Variants in CHD6 observed in about 807,000 individuals in gnomAD.
CHD6 encodes the protein chromodomain helicase DNA binding protein 6.
CHD6 carries 50 observed loss-of-function variants against 276.9 expected under a neutral mutation model. The observed-to-expected ratio is 0.18, with a 90% CI of 0.14 to 0.23. CHD6 has a LOEUF of 0.23. Ranked by LOEUF, CHD6 falls within the 10% of genes least tolerant of loss-of-function variation. The pLI is 1.00. For missense variants in CHD6, 2,564 were observed against 3,365.8 expected (o/e 0.76, Z 5.89); for synonymous variants, 1,173 against 1,229.3 (o/e 0.95, Z 0.96).
At chr20:41,541,882 G>C in intron 2 of CHD6, among the ~76,000 whole-genome samples, 1 of 152,178 alleles carries the variant, frequency 6.6e-6, no homozygotes, top group East Asian at 1.9e-4. Flanking sequence ...GGGGACAGGA[G>C]ATACTTTTAT....
intron 1 of CHD6, among the ~76,000 whole-genome samples, chr20:41,607,285 T>A (rs2045839508): frequency 6.6e-6 from 1 of 152,240 alleles, no homozygotes; most frequent in Admixed American, 6.5e-5. Flanking sequence ...CCTACTCCCC[T>A]GGCTTAACGG....
chr20:41,449,231 C>T (rs1286095332), intron 23 of CHD6, among the ~76,000 whole-genome samples: 5 of 152,036 alleles, frequency 3.3e-5, no homozygotes, highest in African/African-American at 1.2e-4. Flanking sequence ...TTTTTAAAGC[C>T]CAGAGAATAA....
intron 19 of CHD6, among the ~76,000 whole-genome samples, chr20:41,455,050 G>A (rs996671724): frequency 6.6e-6 from 1 of 152,178 alleles, no homozygotes; most frequent in African/African-American, 2.4e-5. Flanking sequence ...CTATGAAAGA[G>A]TTAACACTTA....
intron 1 of CHD6, among the ~76,000 whole-genome samples, chr20:41,599,712 C>T (rs764478066): frequency 4.6e-5 from 7 of 152,210 alleles, no homozygotes; most frequent in African/African-American, 1.2e-4. Context: ...AAGCTTCCTT[C>T]GTCTTTCTCT....
In CHD6 at chr20:41,462,371, C is replaced by T. The variant is rs147004453; in HGVS notation, c.2665-4943G>A. Among the ~76,000 whole-genome samples the T allele has an allele frequency of 2.9e-3, 441 of 152,226 alleles. 2 individuals carry two copies. Among genetic ancestry groups the T allele is most frequent in the African/African-American group, 9.8e-3 (408 of 41,526 alleles). ...TACAACTCACTCAAAACATAATTACCAAAAAATTTCAAGATTTTTCTCTCC... is the reference window on the plus strand; with the variant it reads ...TACAACTCACTCAAAACATAATTACTAAAAAATTTCAAGATTTTTCTCTCC... On this transcript the variant is annotated intron_variant, in intron 17 of 36. Transcript: ENST00000373233.
intron 25 of CHD6, among the ~76,000 whole-genome samples, chr20:41,444,899 C>T (rs1437875464): frequency 6.6e-6 from 1 of 152,150 alleles, no homozygotes; most frequent in East Asian, 1.9e-4. Flanking sequence ...ATAGCTAAAG[C>T]CAGGTATACC....
chr20:41,469,070 T>C (rs565357020), intron 17 of CHD6, among the ~76,000 whole-genome samples: 10 of 152,276 alleles, frequency 6.6e-5, no homozygotes, highest in African/African-American at 2.2e-4. Flanking sequence ...AGGGGTCCAA[T>C]ACCTCTTCCC....
intron 1 of CHD6, among the ~76,000 whole-genome samples, chr20:41,612,691 T>G (rs1296000491): frequency 6.6e-6 from 1 of 152,212 alleles, no homozygotes; most frequent in Non-Finnish European, 1.5e-5. Flanking sequence ...TTCAAAGTAT[T>G]TCTTAGAATA....
intron 1 of CHD6, among the ~76,000 whole-genome samples, chr20:41,611,800 G>A (rs2146308281): frequency 6.6e-6 from 1 of 152,184 alleles, no homozygotes; most frequent in African/African-American, 2.4e-5. Context: ...GCCATGCTTG[G>A]CTAATTTTTG....
intron 1 of CHD6, among the ~76,000 whole-genome samples, chr20:41,617,674 G>C (rs182597483): frequency 2.0e-5 from 3 of 152,208 alleles, no homozygotes; most frequent in African/African-American, 7.2e-5. Flanking sequence ...ACTTGGCAGC[G>C]GGGTTGCAGG....
intron 36 of CHD6, among the ~76,000 whole-genome samples, chr20:41,409,238 G>A (rs1270559689): frequency 2.6e-5 from 4 of 152,166 alleles, no homozygotes; most frequent in Admixed American, 2.0e-4. Flanking sequence ...CTCCAGTCAG[G>A]TGCCCCTCCC....
chr20:41,404,038 A>AT lies in CHD6; in HGVS notation c.*554dup. ...TTTTTATAAAGAAATGAATATATGTATTTTCAACCATTAGTTATATACTTC... is the reference window on the plus strand; with the variant it reads ...TTTTTATAAAGAAATGAATATATGTATTTTTCAACCATTAGTTATATACTTC... On this transcript the variant is annotated 3_prime_UTR_variant, in exon 37 of 37. Coordinates refer to ENST00000373233, the MANE Select transcript of CHD6 (RefSeq NM_032221.5). 1 of 1,047,248 alleles carries AT rather than the reference A, an allele frequency of 9.5e-7. No homozygotes were observed. Among genetic ancestry groups the AT allele is most frequent in the Non-Finnish European group, 1.2e-6 (1 of 866,964 alleles). The allele number at this position is 1,047,248 out of a possible 1,614,324, so 64.9% of individuals were successfully genotyped here. A position where few individuals can be genotyped will look rare whatever the true frequency, so the allele number is the denominator to read the frequency against.
chr20:41,555,875 C>T lies in CHD6; in HGVS notation c.-23-4515G>A, dbSNP rs961229690. Among the ~76,000 whole-genome samples the T allele has an allele frequency of 1.1e-4, 16 of 150,716 alleles. No homozygotes were observed. In the East Asian group the frequency reaches 1.2e-3, roughly 11 times the overall value. On this transcript the variant is annotated intron_variant, in intron 1 of 36. Coordinates refer to ENST00000373233, the MANE Select transcript of CHD6 (RefSeq NM_032221.5). Reference sequence around the variant, plus strand: ...GGCGGCTGGGCAGAGGCTGCAATCTCGGTACTTTGGGAGGCCAAGGCAGGC... The same window carrying T: ...GGCGGCTGGGCAGAGGCTGCAATCTTGGTACTTTGGGAGGCCAAGGCAGGC...
At chr20:41,600,663 A>G (rs1455229838) in intron 1 of CHD6, among the ~76,000 whole-genome samples, 1 of 152,228 alleles carries the variant, frequency 6.6e-6, no homozygotes. Flanking sequence ...TCAATGCTCA[A>G]TAAACATTTG....
At chr20:41,478,737 C>T (rs558837350) in intron 16 of CHD6, among the ~76,000 whole-genome samples, 1 of 152,312 alleles carries the variant, frequency 6.6e-6, no homozygotes, top group South Asian at 2.1e-4. Flanking sequence ...ACAGAGTTTG[C>T]ACTTTGAGCA....
chr20:41,404,513 G>C lies in CHD6; in HGVS notation c.*80C>G. 1 of 1,431,926 alleles carries C rather than the reference G, an allele frequency of 7.0e-7. No individual in the cohort carries two copies. The highest frequency in any genetic ancestry group is 1.4e-5 in the African/African-American group (1 of 70,850). The allele number at this position is 1,431,926 out of a possible 1,614,324, so 88.7% of individuals were successfully genotyped here. A position where few individuals can be genotyped will look rare whatever the true frequency, so the allele number is the denominator to read the frequency against. Reference sequence around the variant, plus strand: ...ACTTATGGAAACACAGGTTCTTATGGAGGTGAAGTGAGGGAAGTAACAAAC... The same window carrying C: ...ACTTATGGAAACACAGGTTCTTATGCAGGTGAAGTGAGGGAAGTAACAAAC... On this transcript the variant is annotated 3_prime_UTR_variant, in exon 37 of 37. Transcript: ENST00000373233.
chr20:41,436,312 G>A (rs1442861972), intron 27 of CHD6, among the ~76,000 whole-genome samples: 1 of 152,156 alleles, frequency 6.6e-6, no homozygotes, highest in Non-Finnish European at 1.5e-5. Flanking sequence ...ACAAGGTATT[G>A]CTACACACCT....
chr20:41,588,358 T>C (rs2045618729), intron 1 of CHD6, among the ~76,000 whole-genome samples: 1 of 152,198 alleles, frequency 6.6e-6, no homozygotes, highest in Non-Finnish European at 1.5e-5. Flanking sequence ...CTGTATGGTC[T>C]CACAATGAGA....
At chr20:41,459,171 C>T (rs1423680631) in intron 17 of CHD6, among the ~76,000 whole-genome samples, 1 of 152,116 alleles carries the variant, frequency 6.6e-6, no homozygotes, top group African/African-American at 2.4e-5. Context: ...ATGGAAGCCC[C>T]CACCCATGCC....
Sources: gnomAD v4.1 joint callset for allele counts (sites outside exome capture counted in the v4.1 genomes callset) on GRCh38, gnomAD v4.1.1 for gene constraint, MANE v1.5 for transcripts, NCBI Gene and HGNC (gene_info 2026-07-23, HGNC 2026-07-21) for gene names.